IFT74: variants seen among roughly 807,000 people sequenced by gnomAD.
IFT74 encodes the protein intraflagellar transport protein 74 homolog.
In IFT74, 92 loss-of-function variants were observed where a neutral mutation model predicts 96.7. The observed-to-expected ratio is 0.95, with a 90% CI of 0.80 to 1.13. The LOEUF is 1.13. Among genes scored for constraint, IFT74 ranks in the 50% most tolerant of loss-of-function variants. The pLI is 0.00. For synonymous variants in IFT74, 223 were observed against 213.2 expected (o/e 1.05, Z -0.40); for missense variants, 811 against 698.2 (o/e 1.16, Z -1.82).
intron 1 of IFT74, among the ~76,000 whole-genome samples, chr9:26,961,506 T>C (rs1004339505): frequency 6.6e-6 from 1 of 152,190 alleles, no homozygotes; most frequent in African/African-American, 2.4e-5. Flanking sequence ...ACACTTGGAC[T>C]ACCGAAAGTG....
At chr9:27,001,927 G>A (rs1166268832) in intron 8 of IFT74, among the ~76,000 whole-genome samples, 1 of 147,860 alleles carries the variant, frequency 6.8e-6, no homozygotes, top group African/African-American at 2.5e-5. Flanking sequence ...ATTCTCCAAC[G>A]TTTTCTTTTT....
At chr9:26,950,169 G>A (rs531991195) in intron 1 of IFT74, among the ~76,000 whole-genome samples, 11 of 152,160 alleles carry the variant, frequency 7.2e-5, no homozygotes, top group East Asian at 5.8e-4. Flanking sequence ...AAAGTTAGCC[G>A]GGTGTGGTGG....
intron 8 of IFT74, among the ~76,000 whole-genome samples, chr9:27,002,396 C>G (rs187001541): frequency 5.9e-5 from 9 of 152,284 alleles, no homozygotes; most frequent in Admixed American, 4.6e-4. Context: ...AGTCAGCCCT[C>G]CAGTGTTTTC....
At chr9:27,061,398 C>T (rs1208130568) in intron 19 of IFT74, among the ~76,000 whole-genome samples, 1 of 152,076 alleles carries the variant, frequency 6.6e-6, no homozygotes, top group Non-Finnish European at 1.5e-5. Flanking sequence ...GATCACAGGG[C>T]TTGGGTAAAG....
chr9:26,993,089 A>G (rs1380984228), intron 8 of IFT74: 2 of 152,344 alleles, frequency 1.3e-5, no homozygotes, highest in African/African-American at 4.8e-5. Context: ...ATATTAGTCA[A>G]GATCAGTTGT....
upstream of IFT74, among the ~76,000 whole-genome samples, chr9:26,952,843 T>G (rs1825977642): frequency 6.6e-6 from 1 of 152,214 alleles, no homozygotes; most frequent in South Asian, 2.1e-4. Context: ...ATGTTCACTA[T>G]TCAAGGGCCT....
intron 8 of IFT74, chr9:26,997,689 T>G (rs201778807): frequency 1.9e-6 from 3 of 1,543,936 alleles, no homozygotes; most frequent in Non-Finnish European, 2.6e-6. Context: ...GAACATTGAG[T>G]TAATCACATT....
In IFT74 at chr9:26,984,368, T is replaced by A. The variant is rs756283659; in HGVS notation, c.404+13T>A. 6.3e-7 allele frequency: 1 copy of A among 1,578,498 alleles called. No individual in the cohort carries two copies. The highest frequency in any genetic ancestry group is 1.8e-5 in the Admixed American group (1 of 54,732). Reference sequence around the variant, plus strand: ...CATATGAAAAGAGGTGAGTAATAAGTATTCAGTATTCATTCAGTATTTTGT... The same window carrying A: ...CATATGAAAAGAGGTGAGTAATAAGAATTCAGTATTCATTCAGTATTTTGT... On this transcript the variant is annotated intron_variant, in intron 5 of 19. Transcript: ENST00000380062.
At position 27,016,976 on chromosome 9, in the gene IFT74, C is replaced by T. The variant is rs1829374871; in HGVS notation, c.859C>T (p.His287Tyr). The change falls in exon 11 of 20, where the codon CAT (histidine) becomes TAT (tyrosine). Residue 287 changes from histidine (H) to tyrosine (Y), a missense_variant. Transcript: ENST00000380062. ...LHEKLYELES[H>Y]RDQMIAEDKS... ...TGAAAAACTTTATGAGTTGGAGTCC[C>T]ATCGAGATCAAATGATTGCAGAAGA... 6.2e-7 allele frequency: 1 copy of T among 1,610,804 alleles called. No homozygotes were observed. The highest frequency in any genetic ancestry group is 1.3e-5 in the African/African-American group (1 of 74,806).
At chr9:26,952,520 G>A (rs953429713), upstream of IFT74, among the ~76,000 whole-genome samples, 4 of 152,118 alleles carry the variant, frequency 2.6e-5, no homozygotes, top group African/African-American at 7.2e-5. Context: ...CAGGTGATCC[G>A]CCTGCCTAGG....
intron 18 of IFT74, among the ~76,000 whole-genome samples, chr9:27,059,480 G>C (rs1268196214): frequency 6.6e-6 from 1 of 152,208 alleles, no homozygotes; most frequent in Non-Finnish European, 1.5e-5. Context: ...TAACAGGTCT[G>C]ATGCATTATA....
At chr9:26,996,452 A>G in intron 8 of IFT74, 6 of 1,560,368 alleles carry the variant, frequency 3.8e-6, no homozygotes, top group African/African-American at 1.4e-5. Context: ...TTGATATTGT[A>G]GCTCTGCAGG....
At chr9:27,019,532 A>G (rs770636239) in intron 12 of IFT74, among the ~76,000 whole-genome samples, 5 of 151,818 alleles carry the variant, frequency 3.3e-5, no homozygotes, top group Non-Finnish European at 5.9e-5. Flanking sequence ...ACTAAGACAA[A>G]TGGAATATTA....
At position 27,019,386 on chromosome 9, in the gene IFT74, T is replaced by C. The variant is rs374286530; in HGVS notation, c.974+699T>C. 2.7e-4 allele frequency among the ~76,000 whole-genome samples: 41 copies of C among 152,134 alleles called. No individual in the cohort carries two copies. The South Asian group carries it at 2.9e-3, about 11-fold the overall frequency. ...ATTTCATATATATGGAATCATTCAA[T>C]ATGTGCTTCTGTGTGTCAGGATGCT... On this transcript the variant is annotated intron_variant, in intron 12 of 19. Coordinates refer to ENST00000380062, the MANE Select transcript of IFT74 (RefSeq NM_025103.4).
rs891311478 is a variant in IFT74 at position 27,065,191 on chromosome 9, G to A, written c.*2455G>A. 6.6e-6 allele frequency among the ~76,000 whole-genome samples: 1 copy of A among 152,114 alleles called. No homozygotes were observed. Among genetic ancestry groups the A allele is most frequent in the Admixed American group, 6.5e-5 (1 of 15,276 alleles). ...TAATTTATTCATATGTAATATTGGT[G>A]GGGGGCAAATAATTGAGCAGGATTT... On this transcript the variant is annotated 3_prime_UTR_variant, in exon 20 of 20. Coordinates refer to ENST00000380062, the MANE Select transcript of IFT74 (RefSeq NM_025103.4).
intron 1 of IFT74, among the ~76,000 whole-genome samples, chr9:26,959,691 G>T (rs1826268775): frequency 6.6e-6 from 1 of 152,142 alleles, no homozygotes; most frequent in Non-Finnish European, 1.5e-5. Context: ...AGAAGTTTAT[G>T]TGCCCCAAAG....
chr9:27,053,441 A>G (rs1048645734), intron 16 of IFT74, among the ~76,000 whole-genome samples: 3 of 152,148 alleles, frequency 2.0e-5, no homozygotes, highest in Non-Finnish European at 2.9e-5. Flanking sequence ...TTTTATTTAT[A>G]TTTTTGGAAA....
At chr9:26,994,124 TTAG>T (rs1156855402) in intron 8 of IFT74, 1 of 152,218 alleles carries the variant, frequency 6.6e-6, no homozygotes, top group Admixed American at 6.5e-5. Context: ...CTACGAGCTC[TTAG>T]TAGATGTAAC....
At position 27,055,713 on chromosome 9, in the gene IFT74, G is replaced by C; in HGVS notation, c.1438G>C (p.Asp480His). ...LKSKIKQMTT[D>H]LEIYNDLPAL... ...AAGCAAAATTAAGCAAATGACAACT[G>C]ATCTGGAGATATATAATGATTTGCC... Residue 480 changes from aspartate to histidine, a missense_variant, in exon 17 of 20, where the codon GAT (aspartate) becomes CAT (histidine). By Grantham distance (81) the Asp-to-His change is moderately conservative. Coordinates refer to ENST00000380062, the MANE Select transcript of IFT74 (RefSeq NM_025103.4). The C allele has an allele frequency of 6.3e-7, 1 of 1,588,348 alleles. No homozygotes were observed. The highest frequency in any genetic ancestry group is 8.5e-7 in the Non-Finnish European group (1 of 1,170,376).
Sources: gnomAD v4.1 joint callset for allele counts (sites outside exome capture counted in the v4.1 genomes callset) on GRCh38, gnomAD v4.1.1 for gene constraint, MANE v1.5 for transcripts, NCBI Gene and HGNC (gene_info 2026-07-23, HGNC 2026-07-21) for gene names.